Variants in TTN observed in about 807,000 individuals in gnomAD.
TTN encodes the protein connectin.
A neutral mutation model predicts 3,223.0 loss-of-function variants in TTN; 1,525 were observed. That is an observed-to-expected ratio of 0.47 (90% CI 0.45 to 0.49). The LOEUF is 0.49. TTN is among the 20% of genes least tolerant of loss of function. The pLI is 0.00. For missense variants in TTN, 40,786 were observed against 43,424.0 expected (o/e 0.94, Z 5.40); for synonymous variants, 14,094 against 15,161.0 (o/e 0.93, Z 5.17).
chr2:178,724,559 C>T lies in TTN; in HGVS notation c.20837-21G>A, dbSNP rs751408317. 1.9e-6 allele frequency: 3 copies of T among 1,556,410 alleles called. No individual in the cohort carries two copies. In the South Asian group the frequency reaches 3.7e-5, roughly 19 times the overall value. ...GGGCTCTGAAATAAAACGTGATATC[C>T]ATCTGTCAAAGTCTGGGATCTTTAC... On this transcript the variant is annotated intron_variant, in intron 71 of 362. Transcript: ENST00000589042.
rs757300589 is a variant in TTN, at chr2:178,557,504, C to T, written c.87758G>A (p.Ser29253Asn). Residue 29253 changes from serine to asparagine, a missense_variant, in exon 329 of 363, where the codon AGC becomes AAC. Coordinates refer to ENST00000589042, the MANE Select transcript of TTN (RefSeq NM_001267550.2). Reference protein sequence around the residue: ...TPWVTNVTRESITVGWHEPVS... With the variant: ...TPWVTNVTRENITVGWHEPVS... ...TGGTTCATGCCAGCCCACAGTGATG[C>T]TTTCTCGAGTAACATTAGTGACCCA... is the stretch of plus-strand genomic sequence containing the variant. The T allele has an allele frequency of 2.5e-5, 41 of 1,613,802 alleles. No homozygotes were observed. Among genetic ancestry groups the T allele is most frequent in the Admixed American group, 2.0e-4 (12 of 60,008 alleles).
chr2:178,539,068 A>G lies in TTN; in HGVS notation c.98867T>C (p.Met32956Thr), dbSNP rs727504962. Residue 32956 changes from methionine to threonine, a missense_variant, in exon 353 of 363, where the codon ATG becomes ACG. Coordinates refer to ENST00000589042, the MANE Select transcript of TTN (RefSeq NM_001267550.2). ...RHNKTQITTT[M>T]YTVTGLVPDA... is the part of the protein sequence containing the mutation. ...GGGAACAAGCCCTGTGACAGTGTAC[A>G]TTGTGGTGGTGATCTGAGTCTTGTT... The G allele has an allele frequency of 9.3e-6, 15 of 1,613,650 alleles. No homozygotes were observed. Among genetic ancestry groups the G allele is most frequent in the African/African-American group, 1.3e-5 (1 of 74,906 alleles).
At position 178,548,967 on chromosome 2, in the gene TTN, G is replaced by A. The variant is rs1305222903; in HGVS notation, c.92659C>T (p.Gln30887Ter). ...VKTRYTVTDL[Q>*]AGEEYKFRVS... The stretch of plus-strand genomic sequence containing the variant: ...CGGAATTTGTATTCTTCACCTGCTT[G>A]TAGATCAGTGACTGTATATCTTGTT... The change falls in exon 339 of 363, where the codon CAA becomes TAA. Residue 30887 changes from glutamine (Q) to a stop codon, truncating the protein, a stop_gained. Coordinates refer to ENST00000589042, the MANE Select transcript of TTN (RefSeq NM_001267550.2). LOFTEE classifies it high-confidence loss of function. The surrounding 1 kb of genome is among the most constrained non-coding windows in gnomAD (Gnocchi z 4.3). 6.2e-7 allele frequency: 1 copy of A among 1,613,876 alleles called. No individual in the cohort carries two copies. Among genetic ancestry groups the A allele is most frequent in the Non-Finnish European group, 8.5e-7 (1 of 1,179,818 alleles).
Position 178,800,490 on chromosome 2 carries a change from A to C in TTN, c.488T>G (p.Ile163Ser). Residue 163 changes from isoleucine to serine, a missense_variant, in exon 4 of 363, where the codon ATT (isoleucine) becomes AGT (serine). Coordinates refer to ENST00000589042, the MANE Select transcript of TTN (RefSeq NM_001267550.2). ...SQEGDLYSLL[I>S]AEAYPEDSGT... ...TGAGTCCTCAGGGTATGCTTCTGCA[A>C]TCAGTAAGCTGTAGAGGTCGCCTTC... 6.2e-7 allele frequency: 1 copy of C among 1,614,168 alleles called. No individual in the cohort carries two copies. The highest frequency in any genetic ancestry group is 8.5e-7 in the Non-Finnish European group (1 of 1,180,016).
chr2:178,633,454 T>C lies in TTN; in HGVS notation c.42905A>G (p.Asp14302Gly). The C allele has an allele frequency of 6.2e-7, 1 of 1,613,400 alleles. No individual in the cohort carries two copies. Among genetic ancestry groups the C allele is most frequent in the Non-Finnish European group, 8.5e-7 (1 of 1,179,588 alleles). ...DLKDKGEYVCDCGTDKTKANV... is the reference protein window; with the variant it reads ...DLKDKGEYVCGCGTDKTKANV... ...TGCCTTGGTCTTGTCTGTGCCACAG[T>C]CACACACATATTCGCCTTTATCTTT... Residue 14302 changes from aspartate to glycine, a missense_variant, in exon 232 of 363, where the codon GAC becomes GGC. Coordinates refer to ENST00000589042, the MANE Select transcript of TTN (RefSeq NM_001267550.2).
intron 34 of TTN, 73 bp from the exon 35 acceptor site, chr2:178,770,748 C>T: frequency 6.5e-7 from 1 of 1,544,070 alleles, no homozygotes. Context: ...TGAACAAGAT[C>T]ATTGCTTACT....
rs1429032429 is a variant in TTN at position 178,657,871 on chromosome 2, T to TA, written c.37873+9dup. The TA allele has an allele frequency of 2.3e-5, 20 of 857,676 alleles. 1 individual carries two copies. The highest frequency in any genetic ancestry group is 5.0e-5 in the African/African-American group (2 of 39,614). 53.1% of individuals were successfully genotyped at this position (857,676 alleles called of 1,614,324 possible). ...TTCTTCTGCAGAAAAAGGACAGGGGTAAAAAATACCTGTGGCAGGTGGGGC... is the reference window on the plus strand; with the variant it reads ...TTCTTCTGCAGAAAAAGGACAGGGGTAAAAAAATACCTGTGGCAGGTGGGGC... On this transcript the variant is annotated intron_variant, in intron 187 of 362. Coordinates refer to ENST00000589042, the MANE Select transcript of TTN (RefSeq NM_001267550.2).
intron 157 of TTN, 123 bp downstream of exon 157, chr2:178,670,093 AAC>A: frequency 5.1e-6 from 3 of 585,616 alleles, no homozygotes. Flanking sequence ...TATGTTATAG[AAC>A]ATAAATTGAA....
intron 40 of TTN, 113 bp downstream of exon 40, chr2:178,767,646 T>G: frequency 2.1e-6 from 3 of 1,461,072 alleles, no homozygotes; most frequent in Non-Finnish European, 1.9e-6. Context: ...ATGAGCTGAT[T>G]TAATTCTTTA....
Position 178,789,546 on chromosome 2 carries a change from A to G in TTN, c.1939-49T>C, listed in dbSNP as rs1341907095. ...ATTTAAGTTGAACAGGGCTTCAAAC[A>G]CACATAGTATGACCCTTCCCCCTTC... On this transcript the variant is annotated intron_variant, in intron 12 of 362. Transcript: ENST00000589042. 1.9e-6 allele frequency: 3 copies of G among 1,610,336 alleles called. No homozygotes were observed. The South Asian group carries it at 3.3e-5, about 18-fold the overall frequency.
At position 178,602,076 on chromosome 2, in the gene TTN, G is replaced by A. The variant is rs774591174; in HGVS notation, c.55195C>T (p.Pro18399Ser). The A allele has an allele frequency of 1.1e-5, 17 of 1,612,594 alleles. No individual in the cohort carries two copies. The highest frequency in any genetic ancestry group is 1.4e-5 in the Non-Finnish European group (16 of 1,179,220). Residue 18399 changes from proline (P) to serine (S), a missense_variant, in exon 284 of 363, where the codon CCT (proline) becomes TCT (serine). Transcript: ENST00000589042. ...GTTGGGCGTCCCTTGATGACAGCAG[G>A]AATCCTAATCTGTGAGCCAGCTTTA... ...VCKAGSQIRI[P>S]AVIKGRPTPK...
chr2:178,677,253 C>A lies in TTN; in HGVS notation c.34326G>T (p.Lys11442Asn). 1.6e-6 allele frequency: 2 copies of A among 1,218,458 alleles called. No individual in the cohort carries two copies. Among genetic ancestry groups the A allele is most frequent in the African/African-American group, 1.6e-5 (1 of 62,434 alleles). 75.5% of individuals were successfully genotyped at this position (1,218,458 alleles called of 1,614,324 possible). Reference protein sequence around the residue: ...PEVPKKPVPEKKVPVPAPKKV... With the variant: ...PEVPKKPVPENKVPVPAPKKV... ...TTTTAGGGGCGGGAACAGGGACTTT[C>A]TTCTCTGGTACAGGTTTCTTTGGCA... is the stretch of plus-strand genomic sequence containing the variant. The change falls in exon 147 of 363, where the codon AAG becomes AAT. Residue 11442 changes from lysine (K) to asparagine (N), a missense_variant. Lys to Asn is a moderately conservative substitution (Grantham distance 94). Transcript: ENST00000589042.
chr2:178,563,582 G>A lies in TTN; in HGVS notation c.82550C>T (p.Thr27517Ile), dbSNP rs1559321324. The A allele has an allele frequency of 1.2e-6, 2 of 1,613,756 alleles. No individual in the cohort carries two copies. Among genetic ancestry groups the A allele is most frequent in the East Asian group, 2.2e-5 (1 of 44,842 alleles). ...CGTTAATGTTTTCTTGTTGCACTTG[G>A]TCCATCTAACGCCTTCCTTATCTCG... Reference protein sequence around the residue: ...EKRDKEGVRWTKCNKKTLTDL... With the variant: ...EKRDKEGVRWIKCNKKTLTDL... Residue 27517 changes from threonine to isoleucine, a missense_variant, in exon 326 of 363, where the codon ACC becomes ATC. Physicochemically the swap from Thr to Ile is moderately conservative, Grantham distance 89. Transcript: ENST00000589042. The surrounding 1 kb of genome is among the most constrained non-coding windows in gnomAD (Gnocchi z 4.5).
chr2:178,722,598 C>A, intron 76 of TTN, 52 bp from the exon 77 acceptor site: 3 of 1,589,412 alleles, frequency 1.9e-6, no homozygotes, highest in Non-Finnish European at 2.6e-6. Context: ...ATGAGAAGTT[C>A]ACCATAAAGA....
At chr2:178,585,511 G>C (rs1162200201) in intron 308 of TTN, among the ~76,000 whole-genome samples, 164 bp from the exon 309 acceptor site, 1 of 151,952 alleles carries the variant, frequency 6.6e-6, no homozygotes, top group African/African-American at 2.4e-5. Context: ...TGTTACATAG[G>C]TATACATGTG....
Position 178,640,633 on chromosome 2 carries a change from TTAAGA to T in TTN, c.40634-8_40634-4del. 2.6e-6 allele frequency: 4 copies of T among 1,567,814 alleles called. No homozygotes were observed. The highest frequency in any genetic ancestry group is 3.4e-6 in the Non-Finnish European group (4 of 1,163,048). On this transcript the variant is annotated splice_region_variant and splice_polypyrimidine_tract_variant and intron_variant, in intron 220 of 362. Coordinates refer to ENST00000589042, the MANE Select transcript of TTN (RefSeq NM_001267550.2). ...TTTTGGAGGTGGTGGTTCTGGTACTTTAAGATAAGATTATTTTTTCAGTGTTAATA... is the reference window on the plus strand; with the variant it reads ...TTTTGGAGGTGGTGGTTCTGGTACTTTAAGATTATTTTTTCAGTGTTAATA...
intron 92 of TTN, 126 bp from the exon 93 acceptor site, chr2:178,713,498 TGACG>T (rs1026256807): frequency 2.2e-6 from 3 of 1,384,740 alleles, no homozygotes; most frequent in Non-Finnish European, 1.9e-6. Flanking sequence ...GGCTCTTTTG[TGACG>T]GTATTAAAAA....
intron 217 of TTN, 85 bp downstream of exon 217, chr2:178,645,835 C>T (rs993119849): frequency 1.9e-5 from 16 of 822,264 alleles, no homozygotes; most frequent in Admixed American, 3.0e-5. Context: ...TTCTAAAAGT[C>T]ATACATTTCT....
rs1333919897 is a variant in TTN at position 178,739,804 on chromosome 2, A to C, written c.13429T>G (p.Leu4477Val). ...ANLKMELRDA[L>V]CAIIYEEIDI... ...ATTTCCTCATATATAATAGCACACAAAGCATCCCTAAGTTCCATTTTCAGG... is the reference window on the plus strand; with the variant it reads ...ATTTCCTCATATATAATAGCACACACAGCATCCCTAAGTTCCATTTTCAGG... Residue 4477 changes from leucine to valine, a missense_variant, in exon 48 of 363, where the codon TTG (leucine) becomes GTG (valine). Coordinates refer to ENST00000589042, the MANE Select transcript of TTN (RefSeq NM_001267550.2). 2 of 1,613,742 alleles carry C rather than the reference A, an allele frequency of 1.2e-6. No homozygotes were observed. The highest frequency in any genetic ancestry group is 4.5e-5 in the East Asian group (2 of 44,878).
Sources: allele counts gnomAD v4.1 joint callset (sites outside exome capture counted in the v4.1 genomes callset), GRCh38; gene constraint gnomAD v4.1.1; non-coding constraint Gnocchi (gnomAD v3.1); transcripts MANE v1.5; gene names NCBI Gene and HGNC (gene_info 2026-07-23, HGNC 2026-07-21).